The following CNNM4 variants were observed in gnomAD, a reference collection of about 807,000 sequenced individuals.
The protein encoded by CNNM4 is metal transporter CNNM4.
In CNNM4, 32 loss-of-function variants were observed where a neutral mutation model predicts 53.7. That is an observed-to-expected ratio of 0.60 (90% CI 0.45 to 0.80). The LOEUF (loss-of-function observed/expected upper bound fraction) is 0.80. Ranked by LOEUF, CNNM4 falls within the 30% of genes least tolerant of loss-of-function variation. The pLI is 0.00. For synonymous variants in CNNM4, 410 were observed against 440.0 expected (o/e 0.93, Z 0.85); for missense variants, 784 against 1,022.0 (o/e 0.77, Z 3.17).
chr2:96,766,896 G>A (rs1382788554), intron 1 of CNNM4, among the ~76,000 whole-genome samples: 2 of 152,110 alleles, frequency 1.3e-5, no homozygotes, highest in East Asian at 3.9e-4. Context: ...TGCACTTACC[G>A]GGTTCAGAGT....
chr2:96,783,448 C>T (rs988870875), intron 1 of CNNM4, among the ~76,000 whole-genome samples: 5 of 152,194 alleles, frequency 3.3e-5, no homozygotes, highest in Admixed American at 3.3e-4. Context: ...CAGGGACCAG[C>T]GTCTGGGTGG....
At chr2:96,807,576 A>C (rs1050559430) in intron 5 of CNNM4, among the ~76,000 whole-genome samples, 2 of 152,104 alleles carry the variant, frequency 1.3e-5, no homozygotes, top group African/African-American at 4.8e-5. Context: ...AACAAGAAAA[A>C]GAAAAAAAAT....
At chr2:96,776,557 A>G (rs2078926233) in intron 1 of CNNM4, among the ~76,000 whole-genome samples, 1 of 152,144 alleles carries the variant, frequency 6.6e-6, no homozygotes, top group Non-Finnish European at 1.5e-5. Flanking sequence ...TCTATGGAGC[A>G]CCAGGTCTTA....
rs1319923427 is a variant in CNNM4 at position 96,806,529 on chromosome 2, ACACACACGCGCGCGCGCGCG to A, written c.1949-2030_1949-2011del. On this transcript the variant is annotated intron_variant, in intron 5 of 6. Transcript: ENST00000377075. ...CCAACACACACACACACACACACAC[ACACACACGCGCGCGCGCGCG>A]CGCGCCCTTAGTTAAAAATTGTATT... 4.2e-5 allele frequency among the ~76,000 whole-genome samples: 6 copies of A among 142,380 alleles called. No individual in the cohort carries two copies. In the East Asian group the frequency reaches 1.2e-3, roughly 29 times the overall value. The allele number at this position is 142,380 out of a possible 152,430, so 93.4% of individuals were successfully genotyped here. A position where few individuals can be genotyped will look rare whatever the true frequency, so the allele number is the denominator to read the frequency against.
At position 96,800,988 on chromosome 2, in the gene CNNM4, G is replaced by C. The variant is rs1013439454; in HGVS notation, c.1948+1340G>C. On this transcript the variant is annotated intron_variant, in intron 5 of 6. Transcript: ENST00000377075. The surrounding 1 kb of genome is among the most constrained non-coding windows in gnomAD (Gnocchi z 4.6). ...TCTCTGCCCAAAGCAGCCTGGCCCC[G>C]TCAGGTCTGCCTCTGTCCTGTGCCT... 3.5e-6 allele frequency: 2 copies of C among 571,492 alleles called. No individual in the cohort carries two copies. The highest frequency in any genetic ancestry group is 4.4e-6 in the Non-Finnish European group (2 of 452,150). The allele number at this position is 571,492 out of a possible 1,614,324, so 35.4% of individuals were successfully genotyped here.
At position 96,805,428 on chromosome 2, in the gene CNNM4, T is replaced by G. The variant is rs939993000; in HGVS notation, c.1949-3133T>G. ...CCTGGCTTCTTTTCAGTTTTTTTTT[T>G]TTTTTTTTTTTATTATTTTTTTTTA... On this transcript the variant is annotated intron_variant, in intron 5 of 6. Transcript: ENST00000377075. 1.5e-4 allele frequency among the ~76,000 whole-genome samples: 21 copies of G among 140,498 alleles called. 1 individual carries two copies. The East Asian group carries it at 3.7e-3, about 25-fold the overall frequency. The allele number at this position is 140,498 out of a possible 152,430, so 92.2% of individuals were successfully genotyped here.
chr2:96,781,494 T>C (rs2078975082), intron 1 of CNNM4, among the ~76,000 whole-genome samples: 1 of 151,856 alleles, frequency 6.6e-6, no homozygotes, highest in Admixed American at 6.6e-5. Flanking sequence ...GATCACAGGC[T>C]TGAGCCACCA....
In CNNM4 at chr2:96,797,877, G is replaced by A. The variant is rs1372487117; in HGVS notation, c.1681+230G>A. ...CTGCAAACTTCTAGGAAGCATCCAA[G>A]TTACTATATTTAATAGTTTGGGAAA... is the stretch of plus-strand genomic sequence containing the variant. On this transcript the variant is annotated intron_variant, in intron 3 of 6. Transcript: ENST00000377075. This position sits in a 1 kb window ranked among gnomAD's most constrained non-coding sequence, Gnocchi z 6.0. 6.6e-6 allele frequency among the ~76,000 whole-genome samples: 1 copy of A among 152,168 alleles called. No individual in the cohort carries two copies. Among genetic ancestry groups the A allele is most frequent in the African/African-American group, 2.4e-5 (1 of 41,432 alleles).
intron 1 of CNNM4, among the ~76,000 whole-genome samples, chr2:96,765,110 T>TTTA (rs1405853193): frequency 1.4e-5 from 2 of 147,684 alleles, no homozygotes; most frequent in African/African-American, 2.5e-5. Context: ...CTGGCATTGT[T>TTTA]TTATTTGTTT....
chr2:96,805,725 G>A (rs1266632307), intron 5 of CNNM4, among the ~76,000 whole-genome samples: 1 of 128,254 alleles, frequency 7.8e-6, no homozygotes, highest in Non-Finnish European at 1.6e-5. Context: ...TTAACCCTGA[G>A]TGGACACAGC....
Position 96,761,187 on chromosome 2 carries a change from A to G in CNNM4, c.188A>G (p.Asp63Gly). ...SCNKSCGTNP[D>G]GIIFVSEGST... is the part of the protein sequence containing the mutation. Reference sequence around the variant, plus strand: ...AACAAGTCGTGTGGGACGAACCCGGATGGCATCATCTTCGTGTCCGAGGGC... The same window carrying G: ...AACAAGTCGTGTGGGACGAACCCGGGTGGCATCATCTTCGTGTCCGAGGGC... The change falls in exon 1 of 7, where the codon GAT becomes GGT. Residue 63 changes from aspartate to glycine, a missense_variant. Asp to Gly is a moderately conservative substitution (Grantham distance 94). Coordinates refer to ENST00000377075, the MANE Select transcript of CNNM4 (RefSeq NM_020184.4). The surrounding 1 kb of genome is among the most constrained non-coding windows in gnomAD (Gnocchi z 6.0). 6.2e-7 allele frequency: 1 copy of G among 1,613,662 alleles called. No individual in the cohort carries two copies.
chr2:96,801,355 C>T lies in CNNM4; in HGVS notation c.1948+1707C>T, dbSNP rs530180520. 6.6e-6 allele frequency among the ~76,000 whole-genome samples: 1 copy of T among 152,242 alleles called. No individual in the cohort carries two copies. Among genetic ancestry groups the T allele is most frequent in the South Asian group, 2.1e-4 (1 of 4,830 alleles). ...CTCTTGGTGCTTGAGATCACACACTCATAGACACATACACACAGAGACACA... is the reference window on the plus strand; with the variant it reads ...CTCTTGGTGCTTGAGATCACACACTTATAGACACATACACACAGAGACACA... On this transcript the variant is annotated intron_variant, in intron 5 of 6. Transcript: ENST00000377075. The surrounding 1 kb of genome is among the most constrained non-coding windows in gnomAD (Gnocchi z 5.6).
rs561067738 is a variant in CNNM4 at position 96,768,803 on chromosome 2, G to C, written c.1402+6402G>C. ...CTTGAACTCAGTGGGTCTGGGTGTG[G>C]CCCGAGAGTCTGCATTTCTGACAGG... On this transcript the variant is annotated intron_variant, in intron 1 of 6. Coordinates refer to ENST00000377075, the MANE Select transcript of CNNM4 (RefSeq NM_020184.4). Among the ~76,000 whole-genome samples the C allele has an allele frequency of 5.3e-4, 80 of 152,298 alleles. 1 individual carries two copies. In the South Asian group the frequency reaches 0.014, roughly 26 times the overall value.
intron 1 of CNNM4, among the ~76,000 whole-genome samples, chr2:96,765,928 C>T (rs549961591): frequency 2.0e-5 from 3 of 149,846 alleles, no homozygotes; most frequent in South Asian, 2.1e-4. Flanking sequence ...GGATTACAGG[C>T]GCCCGCCACC....
chr2:96,796,085 T>G (rs1470721656), intron 1 of CNNM4, among the ~76,000 whole-genome samples: 1 of 126,956 alleles, frequency 7.9e-6, no homozygotes, highest in Non-Finnish European at 1.7e-5. Flanking sequence ...GTCTTTCCCC[T>G]CCCCAAGAGT....
intron 1 of CNNM4, among the ~76,000 whole-genome samples, chr2:96,765,195 C>T (rs1422743499): frequency 2.0e-5 from 3 of 148,686 alleles, no homozygotes; most frequent in South Asian, 2.2e-4. Context: ...GGCACAATCT[C>T]GGCTCGCTGC....
chr2:96,796,206 G>A (rs1402806289), intron 1 of CNNM4, among the ~76,000 whole-genome samples: 2 of 143,130 alleles, frequency 1.4e-5, no homozygotes, highest in Non-Finnish European at 3.0e-5. Flanking sequence ...GTGCAGTGGC[G>A]TGATCTCGGC....
chr2:96,809,881 A>G lies in CNNM4; in HGVS notation c.*364A>G, dbSNP rs886056476. On this transcript the variant is annotated 3_prime_UTR_variant, in exon 7 of 7. Coordinates refer to ENST00000377075, the MANE Select transcript of CNNM4 (RefSeq NM_020184.4). ...AATATTTTTTTCCTAAAAACTATAA[A>G]AGAGGAAGGGTTTCTTGTCCCGGGA... 4.7e-5 allele frequency: 8 copies of G among 171,894 alleles called. No homozygotes were observed. Among genetic ancestry groups the G allele is most frequent in the Non-Finnish European group, 7.6e-5 (6 of 79,298 alleles). 10.6% of individuals were successfully genotyped at this position (171,894 alleles called of 1,614,324 possible).
intron 5 of CNNM4, among the ~76,000 whole-genome samples, chr2:96,803,649 C>T (rs1009131658): frequency 1.3e-4 from 19 of 151,982 alleles, no homozygotes; most frequent in African/African-American, 4.3e-4. Flanking sequence ...TCGCTTGAAC[C>T]CAGGAGGCGG....
Sources: gnomAD v4.1 joint callset for allele counts (sites outside exome capture counted in the v4.1 genomes callset) on GRCh38, gnomAD v4.1.1 for gene constraint, Gnocchi (gnomAD v3.1) non-coding constraint, MANE v1.5 for transcripts, NCBI Gene and HGNC (gene_info 2026-07-23, HGNC 2026-07-21) for gene names.